OR4N2: variants seen among roughly 807,000 people sequenced by gnomAD.
OR4N2 encodes olfactory receptor 4N2.
For synonymous variants in OR4N2, 141 were observed against 140.4 expected (o/e 1.00, Z -0.03); for missense variants, 307 against 377.6 (o/e 0.81, Z 1.55).
rs1336170486 is a variant in OR4N2 at position 19,812,315 on chromosome 14, T to C, written c.-10+8471T>C. Among the ~76,000 whole-genome samples, 58 of 118,534 alleles carry C rather than the reference T, an allele frequency of 4.9e-4. No individual in the cohort carries two copies. The Admixed American group carries it at 5.3e-3, about 11-fold the overall frequency. The allele number at this position is 118,534 out of a possible 152,430, so 77.8% of individuals were successfully genotyped here. A position where few individuals can be genotyped will look rare whatever the true frequency, so the allele number is the denominator to read the frequency against. The stretch of plus-strand genomic sequence containing the variant: ...TTTTTGACTTTTCTTTTTTTTTTTC[T>C]TTTCTTTTCTTTTCTTTTTTTTTTT... On this transcript the variant is annotated intron_variant, in intron 1 of 1. Transcript: ENST00000557677.
At chr14:19,809,861 G>C (rs1230756220) in intron 1 of OR4N2, among the ~76,000 whole-genome samples, 2 of 152,300 alleles carry the variant, frequency 1.3e-5, no homozygotes, top group East Asian at 3.9e-4. Flanking sequence ...AACATGGATT[G>C]GAGAATTAAA....
chr14:19,812,333 T>TCTTTTC (rs201483021), intron 1 of OR4N2, among the ~76,000 whole-genome samples: 4 of 142,820 alleles, frequency 2.8e-5, no homozygotes, highest in Non-Finnish European at 6.2e-5. Flanking sequence ...TCTTTTCTTT[T>TCTTTTC]TTTTTTTTTT....
rs1189651535 is a variant in OR4N2, at chr14:19,829,748, T to A, written c.*1376T>A. 1.3e-5 allele frequency: 2 copies of A among 152,230 alleles called. No individual in the cohort carries two copies. The highest frequency in any genetic ancestry group is 4.8e-5 in the African/African-American group (2 of 41,468). 9.4% of individuals were successfully genotyped at this position (152,230 alleles called of 1,614,324 possible). ...CATCCAAAACATCTGGAACCCCAAA[T>A]GCAAGGGGGTCAAAAATTGAGTTTT... is the stretch of plus-strand genomic sequence containing the variant. On this transcript the variant is annotated 3_prime_UTR_variant, in exon 2 of 2. Coordinates refer to ENST00000557677, the MANE Select transcript of OR4N2 (RefSeq NM_001004723.3).
At chr14:19,806,277 T>C (rs1336308364) in intron 1 of OR4N2, among the ~76,000 whole-genome samples, 2 of 152,158 alleles carry the variant, frequency 1.3e-5, no homozygotes, top group South Asian at 4.1e-4. Context: ...AGGCATAGAG[T>C]GGTAAGTTGG....
At chr14:19,821,445 C>CAT (rs368040089) in intron 1 of OR4N2, among the ~76,000 whole-genome samples, 264 of 151,380 alleles carry the variant, frequency 1.7e-3, no homozygotes, top group African/African-American at 4.1e-3. Flanking sequence ...TGAGTCTAGT[C>CAT]ATATATATAT....
intron 1 of OR4N2, among the ~76,000 whole-genome samples, chr14:19,806,699 T>C (rs1444293542): frequency 6.6e-6 from 1 of 152,196 alleles, no homozygotes; most frequent in African/African-American, 2.4e-5. Context: ...AATTTGACAC[T>C]TGACTAATTG....
At chr14:19,810,597 A>G (rs979094983) in intron 1 of OR4N2, among the ~76,000 whole-genome samples, 1 of 152,276 alleles carries the variant, frequency 6.6e-6, no homozygotes, top group African/African-American at 2.4e-5. Context: ...TAAACTGTAT[A>G]AAGAAAATGT....
At chr14:19,812,287 TA>T (rs1453563745) in intron 1 of OR4N2, among the ~76,000 whole-genome samples, 1 of 151,274 alleles carries the variant, frequency 6.6e-6, no homozygotes, top group African/African-American at 2.4e-5. Context: ...AATTTTCTGT[TA>T]TTTTTTGACT....
At chr14:19,812,913 A>G (rs1214803283) in intron 1 of OR4N2, among the ~76,000 whole-genome samples, 1 of 152,260 alleles carries the variant, frequency 6.6e-6, no homozygotes, top group Non-Finnish European at 1.5e-5. Flanking sequence ...TATACATGTC[A>G]ATGCATAAAT....
At chr14:19,819,914 T>C (rs566402894) in intron 1 of OR4N2, among the ~76,000 whole-genome samples, 1 of 152,406 alleles carries the variant, frequency 6.6e-6, no homozygotes, top group South Asian at 2.1e-4. Context: ...TCTTTCTGTT[T>C]GTTAGTTTTC....
At chr14:19,808,014 G>T (rs1181036763) in intron 1 of OR4N2, among the ~76,000 whole-genome samples, 4 of 152,118 alleles carry the variant, frequency 2.6e-5, no homozygotes, top group Admixed American at 6.5e-5. Flanking sequence ...TGCAGAAAAA[G>T]CTTTCAATAA....
chr14:19,815,635 C>A (rs1879404591), intron 1 of OR4N2, among the ~76,000 whole-genome samples: 2 of 149,588 alleles, frequency 1.3e-5, no homozygotes, highest in South Asian at 4.2e-4. Context: ...ACTGTCCACT[C>A]TGATGAGAGG....
At chr14:19,825,800 C>A (rs1879682352) in intron 1 of OR4N2, among the ~76,000 whole-genome samples, 1 of 152,122 alleles carries the variant, frequency 6.6e-6, no homozygotes. Flanking sequence ...GCTCGTGATC[C>A]ACCCACCTAG....
chr14:19,808,642 C>G (rs1187858048), intron 1 of OR4N2, among the ~76,000 whole-genome samples: 1 of 152,142 alleles, frequency 6.6e-6, no homozygotes, highest in Admixed American at 6.5e-5. Context: ...AAAATGGCCA[C>G]ACTGCCCAAA....
At chr14:19,805,398 C>A (rs1361728404) in intron 1 of OR4N2, among the ~76,000 whole-genome samples, 7 of 152,118 alleles carry the variant, frequency 4.6e-5, no homozygotes, top group Non-Finnish European at 8.8e-5. Flanking sequence ...AAGAAAGAAC[C>A]AAAGTGAAAC....
At chr14:19,806,940 C>T (rs1242645517) in intron 1 of OR4N2, among the ~76,000 whole-genome samples, 1 of 152,052 alleles carries the variant, frequency 6.6e-6, no homozygotes, top group Non-Finnish European at 1.5e-5. Flanking sequence ...GGAAAGTAAA[C>T]AACTTGCTCC....
intron 1 of OR4N2, among the ~76,000 whole-genome samples, chr14:19,809,399 C>T (rs1017478073): frequency 6.6e-6 from 1 of 152,166 alleles, no homozygotes; most frequent in Non-Finnish European, 1.5e-5. Context: ...GCAAAAGAAA[C>T]TATCAATAGA....
At chr14:19,823,297 A>C (rs974069625) in intron 1 of OR4N2, among the ~76,000 whole-genome samples, 5 of 152,342 alleles carry the variant, frequency 3.3e-5, no homozygotes, top group African/African-American at 1.2e-4. Context: ...AATGAAATTA[A>C]CTTCTTTTTT....
intron 1 of OR4N2, among the ~76,000 whole-genome samples, chr14:19,807,106 T>A (rs1347480222): frequency 1.3e-5 from 2 of 151,728 alleles, no homozygotes; most frequent in Non-Finnish European, 2.9e-5. Flanking sequence ...AGAGGAAAGA[T>A]TATAGCATTA....
Sources: gnomAD v4.1 joint callset for allele counts (sites outside exome capture counted in the v4.1 genomes callset) on GRCh38, gnomAD v4.1.1 for gene constraint, MANE v1.5 for transcripts, NCBI Gene and HGNC (gene_info 2026-07-23, HGNC 2026-07-21) for gene names.